The following SEMA6D variants were observed in gnomAD, a reference collection of about 807,000 sequenced individuals.
SEMA6D encodes semaphorin 6D.
Under a neutral mutation model 106.6 loss-of-function variants are expected in SEMA6D, and 35 were observed. The observed-to-expected ratio is 0.33, with a 90% CI of 0.25 to 0.44. The LOEUF (loss-of-function observed/expected upper bound fraction) is 0.44. Ranked by LOEUF, SEMA6D falls within the 20% of genes least tolerant of loss-of-function variation. SEMA6D has a pLI of 1.00. For synonymous variants in SEMA6D, 499 were observed against 487.7 expected (o/e 1.02, Z -0.31); for missense variants, 1,185 against 1,345.9 (o/e 0.88, Z 1.87).
At chr15:47,384,814 G>GTTTTT (rs1168068495) in intron 1 of SEMA6D, among the ~76,000 whole-genome samples, 996 of 65,310 alleles carry the variant, frequency 0.015, 50 homozygotes, top group East Asian at 0.042. Flanking sequence ...GATTACTAAA[G>GTTTTT]TTTTTTTTTT....
At chr15:47,293,127 C>T (rs529956127) in intron 1 of SEMA6D, among the ~76,000 whole-genome samples, 66 of 152,178 alleles carry the variant, frequency 4.3e-4, no homozygotes, top group Admixed American at 1.8e-3. Flanking sequence ...GGTTCAAAGC[C>T]GAATTTGAGC....
At chr15:47,590,370 G>C (rs903059451) in intron 3 of SEMA6D, among the ~76,000 whole-genome samples, 8 of 150,262 alleles carry the variant, frequency 5.3e-5, no homozygotes, top group Non-Finnish European at 1.2e-4. Flanking sequence ...TCACACACCA[G>C]GGCCTGTCAG....
intron 4 of SEMA6D, among the ~76,000 whole-genome samples, chr15:47,698,133 AT>A (rs1168412948): frequency 6.6e-6 from 1 of 152,212 alleles, no homozygotes; most frequent in African/African-American, 2.4e-5. Flanking sequence ...CATTATTAAA[AT>A]ATGAGTTTAG....
At chr15:47,329,921 G>A (rs1041289752) in intron 1 of SEMA6D, among the ~76,000 whole-genome samples, 20 of 152,260 alleles carry the variant, frequency 1.3e-4, no homozygotes, top group African/African-American at 4.6e-4. Flanking sequence ...ACTGCACACC[G>A]CCTTTGTGAT....
intron 4 of SEMA6D, among the ~76,000 whole-genome samples, chr15:47,701,489 A>G (rs1488159926): frequency 6.6e-6 from 1 of 152,168 alleles, no homozygotes; most frequent in Non-Finnish European, 1.5e-5. Context: ...TATTCTTGCA[A>G]ATTGCTAAAA....
intron 1 of SEMA6D, among the ~76,000 whole-genome samples, chr15:47,758,691 A>T (rs1376660630): frequency 6.6e-6 from 1 of 152,194 alleles, no homozygotes; most frequent in African/African-American, 2.4e-5. Context: ...ATGAAGCATC[A>T]CTTCAATAAA....
In SEMA6D at chr15:47,247,620, TTATC is replaced by T. The variant is rs369293307; in HGVS notation, c.-239+63212_-239+63215del. ...GATAAACATACTCCTATTTGTTTTC[TTATC>T]TATCTATCTGTCTTCTATAAATCCA... is the stretch of plus-strand genomic sequence containing the variant. On this transcript the variant is annotated intron_variant, in intron 1 of 19. Transcript: ENST00000558014. Among the ~76,000 whole-genome samples, 92 of 152,348 alleles carry T rather than the reference TTATC, an allele frequency of 6.0e-4. No individual in the cohort carries two copies. The South Asian group carries it at 9.7e-3, about 16-fold the overall frequency.
chr15:47,477,215 C>T (rs774628497), intron 3 of SEMA6D, among the ~76,000 whole-genome samples: 14 of 152,084 alleles, frequency 9.2e-5, no homozygotes, highest in Non-Finnish European at 1.6e-4. Context: ...ACCACATGAA[C>T]TCTTGCTGGA....
Position 47,761,675 on chromosome 15 carries a change from A to G in SEMA6D, c.462A>G (p.Glu154=), listed in dbSNP as rs575377637. ...MCRYYRLSTL[E]YDGEEISGLA... is the part of the protein sequence containing the mutation. The stretch of plus-strand genomic sequence containing the variant: ...TTCTTTTGTAGTTGAGTACCTTAGA[A>G]TATGATGGGGAAGAAATTAGTGGCC... The change falls in exon 7 of 19, where the codon GAA becomes GAG. Residue 154 remains glutamate, a synonymous_variant. Transcript: ENST00000536845. 33 of 1,613,164 alleles carry G rather than the reference A, an allele frequency of 2.0e-5. No individual in the cohort carries two copies. The highest frequency in any genetic ancestry group is 3.3e-5 in the Admixed American group (2 of 59,912).
chr15:47,660,270 T>G (rs1194692540), intron 4 of SEMA6D, among the ~76,000 whole-genome samples: 1 of 152,090 alleles, frequency 6.6e-6, no homozygotes, highest in Non-Finnish European at 1.5e-5. Context: ...CCGTAAGATA[T>G]TTCTTGAAAA....
chr15:47,612,368 C>T (rs993551622), intron 4 of SEMA6D, among the ~76,000 whole-genome samples: 2 of 152,136 alleles, frequency 1.3e-5, no homozygotes, highest in African/African-American at 4.8e-5. Context: ...AGTCCCTTGC[C>T]TACCTAAACA....
chr15:47,461,832 G>A (rs2042522243), intron 2 of SEMA6D, among the ~76,000 whole-genome samples: 1 of 151,972 alleles, frequency 6.6e-6, no homozygotes, highest in African/African-American at 2.4e-5. Flanking sequence ...TGTAAAATGT[G>A]TGAAGAATGT....
intron 4 of SEMA6D, among the ~76,000 whole-genome samples, chr15:47,650,663 G>T (rs2077670145): frequency 6.6e-6 from 1 of 152,162 alleles, no homozygotes; most frequent in South Asian, 2.1e-4. Context: ...AGGAGAAACA[G>T]TTATTCTAGT....
intron 3 of SEMA6D, among the ~76,000 whole-genome samples, chr15:47,580,528 TCTCA>T (rs1220023239): frequency 1.3e-5 from 2 of 152,136 alleles, no homozygotes; most frequent in East Asian, 3.9e-4. Context: ...TTCTATTACC[TCTCA>T]CTCACCAACA....
At chr15:47,575,310 A>G (rs938565248) in intron 3 of SEMA6D, among the ~76,000 whole-genome samples, 11 of 152,226 alleles carry the variant, frequency 7.2e-5, no homozygotes, top group Non-Finnish European at 1.5e-4. Context: ...GGGAGGGGGT[A>G]GAAACAAAGT....
intron 3 of SEMA6D, among the ~76,000 whole-genome samples, chr15:47,549,045 C>T (rs2045607270): frequency 6.6e-6 from 1 of 152,070 alleles, no homozygotes; most frequent in South Asian, 2.1e-4. Flanking sequence ...ACACTTTTAC[C>T]TGAATCAGTT....
At chr15:47,365,204 C>T (rs1004066035) in intron 1 of SEMA6D, among the ~76,000 whole-genome samples, 5 of 152,130 alleles carry the variant, frequency 3.3e-5, no homozygotes, top group Admixed American at 6.5e-5. Flanking sequence ...GACAGCCTGG[C>T]GAGGCAAGGT....
At position 47,772,212 on chromosome 15, in the gene SEMA6D, A is replaced by G. The variant is rs922886297; in HGVS notation, c.*427A>G. ...CACCTTGCCTCTTGCACAAATGTCA[A>G]AAAAAAGATGGTAATATCTCAAAGA... On this transcript the variant is annotated 3_prime_UTR_variant, in exon 19 of 19. Transcript: ENST00000536845. The G allele has an allele frequency of 6.3e-6, 1 of 157,526 alleles. No individual in the cohort carries two copies. The highest frequency in any genetic ancestry group is 2.4e-5 in the African/African-American group (1 of 41,652). The allele number at this position is 157,526 out of a possible 1,614,324, so 9.8% of individuals were successfully genotyped here. A position where few individuals can be genotyped will look rare whatever the true frequency, so the allele number is the denominator to read the frequency against.
chr15:47,569,559 A>G (rs2046323322), intron 3 of SEMA6D, among the ~76,000 whole-genome samples: 1 of 152,112 alleles, frequency 6.6e-6, no homozygotes. Flanking sequence ...AATTCCCCTC[A>G]GAGGACCTAA....
Sources: gnomAD v4.1 joint callset for allele counts (sites outside exome capture counted in the v4.1 genomes callset) on GRCh38, gnomAD v4.1.1 for gene constraint, MANE v1.5 for transcripts, NCBI Gene and HGNC (gene_info 2026-07-23, HGNC 2026-07-21) for gene names.